The following MED25 variants were observed in gnomAD, a reference collection of about 807,000 sequenced individuals.
MED25 encodes the protein mediator complex subunit 25.
MED25 carries 62 observed loss-of-function variants against 89.4 expected under a neutral mutation model. The ratio of observed to expected loss-of-function variants is 0.69; its 90% CI spans 0.57 to 0.86. MED25 has a LOEUF of 0.86. MED25 is among the 40% of genes least tolerant of loss of function. The probability of loss-of-function intolerance (pLI) is 0.00; values close to 1 mark genes in which losing one functional copy is unlikely to be tolerated. For missense variants in MED25, 905 were observed against 1,005.2 expected, an observed-to-expected ratio of 0.90 and a Z score of 1.35; for synonymous variants, 449 against 427.9, an observed-to-expected ratio of 1.05 and a Z score of -0.61.
chr19:49,831,506 C>A lies in MED25; in HGVS notation c.1230+45C>A. ...ATTGGGCACTTGGGACTCCTGGGGC[C>A]GTGGGGCTGGGCATGTAGGACTCAT... On this transcript the variant is annotated intron_variant, in intron 10 of 17. Coordinates refer to ENST00000312865, the MANE Select transcript of MED25 (RefSeq NM_030973.4). This position sits in a 1 kb window ranked among gnomAD's most constrained non-coding sequence, Gnocchi z 5.0. 1 of 1,597,866 alleles carries A rather than the reference C, an allele frequency of 6.3e-7. No individual in the cohort carries two copies. Among genetic ancestry groups the A allele is most frequent in the Non-Finnish European group, 8.5e-7 (1 of 1,170,812 alleles).
chr19:49,825,533 A>G (rs1408054158), intron 3 of MED25, among the ~76,000 whole-genome samples: 6 of 151,528 alleles, frequency 4.0e-5, no homozygotes, highest in Admixed American at 3.9e-4. Context: ...GGCATAAGCC[A>G]TTGCACCCAG....
chr19:49,819,341 G>T, intron 3 of MED25, 45 bp downstream of exon 3: 1 of 1,599,866 alleles, frequency 6.3e-7, no homozygotes, highest in African/African-American at 1.3e-5. Context: ...CCCTGTGAGG[G>T]GCCGTGAATG....
At position 49,836,231 on chromosome 19, in the gene MED25, G is replaced by C; in HGVS notation, c.1971G>C (p.Gln657His). The C allele has an allele frequency of 6.2e-7, 1 of 1,612,286 alleles. No individual in the cohort carries two copies. The change falls in exon 17 of 18, where the codon CAG (glutamine) becomes CAC (histidine). Residue 657 changes from glutamine to histidine, a missense_variant. Physicochemically the swap from Gln to His is conservative, Grantham distance 24. This residue lies in a region of MED25 where 271 missense variants were observed against 258.1 expected (regional missense o/e 1.05). Coordinates refer to ENST00000312865, the MANE Select transcript of MED25 (RefSeq NM_030973.4). This position sits in a 1 kb window ranked among gnomAD's most constrained non-coding sequence, Gnocchi z 5.1. Reference protein sequence around the residue: ...RSLLLNPPPPQTGVPPPQASL... With the variant: ...RSLLLNPPPPHTGVPPPQASL... ...CACTCTCTGTGTTCTCCCAGCCGCAGACTGGGGTGCCCCCACCCCAGGCCT... is the reference window on the plus strand; with the variant it reads ...CACTCTCTGTGTTCTCCCAGCCGCACACTGGGGTGCCCCCACCCCAGGCCT...
At chr19:49,840,176 G>A (rs555878112), downstream of MED25, 2 of 152,080 alleles carry the variant, frequency 1.3e-5, no homozygotes, top group Non-Finnish European at 2.9e-5. Flanking sequence ...CTGACATCTC[G>A]GTGTGGAAGG....
rs1433714797 is a variant in MED25 at position 49,828,486 on chromosome 19, G to A, written c.343G>A (p.Ala115Thr). The A allele has an allele frequency of 4.3e-6, 7 of 1,614,022 alleles. No individual in the cohort carries two copies. The highest frequency in any genetic ancestry group is 2.2e-5 in the East Asian group (1 of 44,896). ...GGGGESCSLI[A>T]EGLSTALQLF... ...GGGTGGTGAGAGCTGCAGCCTCATC[G>A]CGGAAGGACTCAGCACAGCCTTGCA... is the stretch of plus-strand genomic sequence containing the variant. The change falls in exon 4 of 18, where the codon GCG becomes ACG. Residue 115 changes from alanine to threonine, a missense_variant. Transcript: ENST00000312865.
At chr19:49,822,079 C>T (rs537934824) in intron 3 of MED25, among the ~76,000 whole-genome samples, 3 of 150,940 alleles carry the variant, frequency 2.0e-5, no homozygotes, top group African/African-American at 7.4e-5. Context: ...CTGGCTAACA[C>T]GGTGAAACCC....
chr19:49,823,305 C>T (rs1054798690), intron 3 of MED25, among the ~76,000 whole-genome samples: 38 of 152,112 alleles, frequency 2.5e-4, no homozygotes, highest in African/African-American at 8.9e-4. Flanking sequence ...AAGCCTATCC[C>T]GTTCAGTGTA....
Position 49,830,484 on chromosome 19 carries a change from C to T in MED25, c.820-27C>T. 6.2e-7 allele frequency: 1 copy of T among 1,610,684 alleles called. No individual in the cohort carries two copies. The highest frequency in any genetic ancestry group is 8.5e-7 in the Non-Finnish European group (1 of 1,177,096). On this transcript the variant is annotated intron_variant, in intron 7 of 17. Transcript: ENST00000312865. The surrounding 1 kb of genome is among the most constrained non-coding windows in gnomAD (Gnocchi z 4.6). ...TGGGGGGCCATGGTCCTCACCAGTC[C>T]CTTCCCTTCTTCCCTTCTACCCACA...
intron 3 of MED25, among the ~76,000 whole-genome samples, chr19:49,822,444 A>G (rs1398483384): frequency 6.6e-6 from 1 of 151,454 alleles, no homozygotes; most frequent in African/African-American, 2.4e-5. Flanking sequence ...TCAAAAAAAA[A>G]TTGTTTTTTT....
At chr19:49,837,791 T>C (rs78142815), downstream of MED25, among the ~76,000 whole-genome samples, 2,082 of 152,072 alleles carry the variant, frequency 0.014, 53 homozygotes, top group South Asian at 0.11. Context: ...GGACAGTGTA[T>C]GTTTGGCAGT....
chr19:49,835,198 A>T lies in MED25; in HGVS notation c.1674+21A>T. 1 of 1,613,320 alleles carries T rather than the reference A, an allele frequency of 6.2e-7. No homozygotes were observed. The highest frequency in any genetic ancestry group is 8.5e-7 in the Non-Finnish European group (1 of 1,179,686). On this transcript the variant is annotated intron_variant, in intron 14 of 17. Transcript: ENST00000312865. This position sits in a 1 kb window ranked among gnomAD's most constrained non-coding sequence, Gnocchi z 6.2. ...GAGGAGTGAGTGTTGACAGTCCCCA[A>T]ACCAGCACTCCGACCCCCTCCTGCC...
chr19:49,832,452 T>C, intron 13 of MED25, 37 bp downstream of exon 13: 1 of 1,218,244 alleles, frequency 8.2e-7, no homozygotes, highest in Non-Finnish European at 1.2e-6. Flanking sequence ...GGGTGTTGAC[T>C]CTTGTCCTGC....
At chr19:49,826,128 C>G (rs2074013726) in intron 3 of MED25, among the ~76,000 whole-genome samples, 1 of 152,082 alleles carries the variant, frequency 6.6e-6, no homozygotes, top group African/African-American at 2.4e-5. Context: ...ATCATAAGGT[C>G]AGGAGTTCGA....
At position 49,836,183 on chromosome 19, in the gene MED25, GTC is replaced by G; in HGVS notation, c.1966-39_1966-38del. 1 of 1,600,058 alleles carries G rather than the reference GTC, an allele frequency of 6.2e-7. No homozygotes were observed. The highest frequency in any genetic ancestry group is 8.5e-7 in the Non-Finnish European group (1 of 1,170,920). On this transcript the variant is annotated intron_variant, in intron 16 of 17. Transcript: ENST00000312865. This position sits in a 1 kb window ranked among gnomAD's most constrained non-coding sequence, Gnocchi z 5.1. Reference sequence around the variant, plus strand: ...CAGTGTCTGTGTTGAGAGGTGGGGAGTCTCTACCAGGAGCCTCTGAGCCACTC... The same window carrying G: ...CAGTGTCTGTGTTGAGAGGTGGGGAGTCTACCAGGAGCCTCTGAGCCACTC...
chr19:49,834,503 C>T lies in MED25; in HGVS notation c.1483-483C>T, dbSNP rs946522783. On this transcript the variant is annotated intron_variant, in intron 13 of 17. Transcript: ENST00000312865. The surrounding 1 kb of genome is among the most constrained non-coding windows in gnomAD (Gnocchi z 4.1). ...TGGATCAGACATCGCATAGTCACAG[C>T]GACCCTGTGATGTGGGAGCACTCCC... The T allele has an allele frequency of 5.7e-5, 12 of 209,568 alleles. No individual in the cohort carries two copies. Among genetic ancestry groups the T allele is most frequent in the African/African-American group, 2.5e-4 (11 of 43,900 alleles). The allele number at this position is 209,568 out of a possible 1,614,324, so 13.0% of individuals were successfully genotyped here. A position where few individuals can be genotyped will look rare whatever the true frequency, so the allele number is the denominator to read the frequency against.
At chr19:49,832,060 G>A (rs1267456899) in intron 11 of MED25, 39 bp downstream of exon 11, 3 of 1,613,292 alleles carry the variant, frequency 1.9e-6, no homozygotes, top group Non-Finnish European at 2.5e-6. Flanking sequence ...TGGGGCTGGG[G>A]CTGGCCCCCT....
intron 3 of MED25, among the ~76,000 whole-genome samples, chr19:49,822,560 TG>T (rs2073990456): frequency 1.3e-5 from 2 of 151,734 alleles, no homozygotes; most frequent in Non-Finnish European, 2.9e-5. Context: ...AGGCATGAGA[TG>T]CTGCACCCAG....
chr19:49,838,952 A>T (rs914432342), downstream of MED25: 2 of 365,090 alleles, frequency 5.5e-6, no homozygotes, highest in African/African-American at 2.1e-5. Flanking sequence ...GAGCAGAGTG[A>T]CGTGTCCTGC....
chr19:49,835,107 A>C lies in MED25; in HGVS notation c.1604A>C (p.Asn535Thr). 5 of 1,614,058 alleles carry C rather than the reference A, an allele frequency of 3.1e-6. No individual in the cohort carries two copies. Among genetic ancestry groups the C allele is most frequent in the Non-Finnish European group, 4.2e-6 (5 of 1,180,010 alleles). The change falls in exon 14 of 18, where the codon AAC (asparagine) becomes ACC (threonine). Residue 535 changes from asparagine to threonine, a missense_variant. Transcript: ENST00000312865. This position sits in a 1 kb window ranked among gnomAD's most constrained non-coding sequence, Gnocchi z 6.2. ...CCCTACGACCAGAGCGGCTTCGTCA[A>C]CGGCATCCGGCAGGTCATCACCAAC... ...LIPYDQSGFV[N>T]GIRQVITNHK...
Sources: allele counts gnomAD v4.1 joint callset (sites outside exome capture counted in the v4.1 genomes callset), GRCh38; gene constraint gnomAD v4.1.1; regional missense constraint gnomAD v4.1.1; non-coding constraint Gnocchi (gnomAD v3.1); transcripts MANE v1.5; gene names NCBI Gene and HGNC (gene_info 2026-07-23, HGNC 2026-07-21).